Variants in OPCML observed in about 807,000 individuals in gnomAD.
OPCML encodes the protein opioid binding protein/cell adhesion molecule like.
Under a neutral mutation model 37.8 loss-of-function variants are expected in OPCML, and 13 were observed. That is an observed-to-expected ratio of 0.34 (90% CI 0.22 to 0.55). The LOEUF is 0.55. Ranked by LOEUF, OPCML falls within the 20% of genes least tolerant of loss-of-function variation. The pLI is 0.91. For missense variants in OPCML, 341 were observed against 435.6 expected, an observed-to-expected ratio of 0.78 and a Z score of 1.93; for synonymous variants, 176 against 168.8, an observed-to-expected ratio of 1.04 and a Z score of -0.33.
chr11:133,432,835 C>A (rs529168967), intron 1 of OPCML, among the ~76,000 whole-genome samples: 2 of 152,008 alleles, frequency 1.3e-5, no homozygotes, highest in African/African-American at 4.8e-5. Context: ...CACAGCTGTT[C>A]GTTATATACC....
intron 7 of OPCML, among the ~76,000 whole-genome samples, chr11:132,433,602 C>T (rs1316499796): frequency 1.3e-5 from 2 of 152,262 alleles, no homozygotes; most frequent in South Asian, 2.1e-4. Flanking sequence ...CCTCTACTAC[C>T]GAATGTCTAT....
intron 1 of OPCML, among the ~76,000 whole-genome samples, chr11:133,380,975 C>T (rs1172519559): frequency 2.0e-5 from 3 of 152,130 alleles, no homozygotes; most frequent in Non-Finnish European, 4.4e-5. Context: ...AACAATTAGC[C>T]TTGTGCATGG....
In OPCML at chr11:133,398,308, T is replaced by C. The variant is rs79949371; in HGVS notation, c.61+133956A>G. Among the ~76,000 whole-genome samples, 1,259 of 152,336 alleles carry C rather than the reference T, an allele frequency of 8.3e-3. 14 individuals are homozygous for C. Among genetic ancestry groups the C allele is most frequent in the African/African-American group, 0.028 (1,183 of 41,582 alleles). On this transcript the variant is annotated intron_variant, in intron 1 of 7. Coordinates refer to ENST00000524381, the MANE Select transcript of OPCML (RefSeq NM_001012393.5). ...CTGCCCAATGTGGTCCTTTTGGAAATCAGCTCCTTTGTTATGTCCCAGCGT... is the reference window on the plus strand; with the variant it reads ...CTGCCCAATGTGGTCCTTTTGGAAACCAGCTCCTTTGTTATGTCCCAGCGT...
intron 2 of OPCML, among the ~76,000 whole-genome samples, chr11:132,879,712 G>A (rs1040201461): frequency 7.2e-5 from 11 of 152,176 alleles, no homozygotes; most frequent in African/African-American, 2.4e-4. Flanking sequence ...TCCTCAGCAA[G>A]CGCATAATGA....
At position 132,663,926 on chromosome 11, in the gene OPCML, G is replaced by A. The variant is rs186464544; in HGVS notation, c.147-6607C>T. Among the ~76,000 whole-genome samples the A allele has an allele frequency of 4.0e-3, 616 of 152,146 alleles. 3 individuals carry two copies. The highest frequency in any genetic ancestry group is 0.012 in the African/African-American group (518 of 41,518). Reference sequence around the variant, plus strand: ...CGGCTCACTGCAAGCTCCGCCTCCCGGGTTCACGCCATTCTCCCGCCTCAG... The same window carrying A: ...CGGCTCACTGCAAGCTCCGCCTCCCAGGTTCACGCCATTCTCCCGCCTCAG... On this transcript the variant is annotated intron_variant, in intron 2 of 7. Coordinates refer to ENST00000524381, the MANE Select transcript of OPCML (RefSeq NM_001012393.5).
In OPCML at chr11:133,395,636, A is replaced by G. The variant is rs574164139; in HGVS notation, c.61+136628T>C. Among the ~76,000 whole-genome samples, 221 of 152,326 alleles carry G rather than the reference A, an allele frequency of 1.5e-3. 1 individual carries two copies. Among genetic ancestry groups the G allele is most frequent in the South Asian group, 5.6e-3 (27 of 4,828 alleles). On this transcript the variant is annotated intron_variant, in intron 1 of 7. Transcript: ENST00000524381. ...GTTTTCCCAGTACAATTTATTGAAG[A>G]GACTATCTTTTCCCCAATGTATATT... is the stretch of plus-strand genomic sequence containing the variant.
chr11:132,503,204 TGGTGATGTTTTATTG>T (rs1164550797), intron 4 of OPCML, among the ~76,000 whole-genome samples: 18 of 152,188 alleles, frequency 1.2e-4, no homozygotes, highest in Non-Finnish European at 2.5e-4. Flanking sequence ...CTCCGTTGGC[TGGTGATGTTTTATTG>T]GAACTTTGAG....
intron 1 of OPCML, among the ~76,000 whole-genome samples, chr11:133,114,353 C>CA (rs1341100029): frequency 6.6e-6 from 1 of 151,760 alleles, no homozygotes; most frequent in Non-Finnish European, 1.5e-5. Flanking sequence ...TCTGACGTCT[C>CA]TTTTTTTTCT....
rs184563856 is a variant in OPCML, at chr11:133,088,294, G to A, written c.62-145284C>T. 2.7e-3 allele frequency among the ~76,000 whole-genome samples: 417 copies of A among 152,290 alleles called. 1 individual carries two copies. Among genetic ancestry groups the A allele is most frequent in the African/African-American group, 9.4e-3 (392 of 41,582 alleles). On this transcript the variant is annotated intron_variant, in intron 1 of 7. Transcript: ENST00000524381. ...TTAAAAGCACGGATTGCGAAGTCAC[G>A]TAGTTTCACCTTTGCCTCTAACTTA...
At chr11:133,153,694 T>C (rs1347853282) in intron 1 of OPCML, among the ~76,000 whole-genome samples, 1 of 152,114 alleles carries the variant, frequency 6.6e-6, no homozygotes, top group Non-Finnish European at 1.5e-5. Flanking sequence ...GGCACCTTTT[T>C]CCCTGGGCCT....
chr11:132,761,792 T>C (rs2136099612), intron 2 of OPCML, among the ~76,000 whole-genome samples: 1 of 152,290 alleles, frequency 6.6e-6, no homozygotes, highest in East Asian at 1.9e-4. Context: ...TTACCCACCT[T>C]CTGAAGCCTA....
At chr11:132,770,489 T>C (rs1946600457) in intron 2 of OPCML, among the ~76,000 whole-genome samples, 1 of 152,168 alleles carries the variant, frequency 6.6e-6, no homozygotes, top group South Asian at 2.1e-4. Context: ...AAATGGTCTC[T>C]TCCCAACTTC....
intron 1 of OPCML, among the ~76,000 whole-genome samples, chr11:133,035,227 T>C (rs1174000473): frequency 6.6e-6 from 1 of 152,200 alleles, no homozygotes; most frequent in Non-Finnish European, 1.5e-5. Flanking sequence ...CTATCTGTCA[T>C]GTCGCCGAGG....
intron 2 of OPCML, among the ~76,000 whole-genome samples, chr11:132,856,222 A>G (rs1942048016): frequency 6.6e-6 from 1 of 152,236 alleles, no homozygotes; most frequent in Non-Finnish European, 1.5e-5. Context: ...ATTAATCAAT[A>G]AATCGATTGA....
At chr11:132,733,193 C>T (rs566646604) in intron 2 of OPCML, among the ~76,000 whole-genome samples, 5 of 151,992 alleles carry the variant, frequency 3.3e-5, no homozygotes, top group African/African-American at 9.7e-5. Context: ...AAACAGAAGC[C>T]TTGGCTAAAG....
chr11:133,151,863 CCCTCAGAAACCATTAT>C (rs1437434880), intron 1 of OPCML, among the ~76,000 whole-genome samples: 7 of 152,126 alleles, frequency 4.6e-5, no homozygotes, highest in African/African-American at 1.7e-4. Context: ...AGACCCCAGG[CCCTCAGAAACCATTAT>C]CCTTCCATTC....
chr11:132,649,136 G>A (rs776079581), intron 3 of OPCML, among the ~76,000 whole-genome samples: 16 of 152,224 alleles, frequency 1.1e-4, no homozygotes, highest in Non-Finnish European at 4.4e-5. Context: ...GTGTGAGTGC[G>A]TGAGTATGTC....
intron 1 of OPCML, among the ~76,000 whole-genome samples, chr11:133,097,128 C>G (rs1949014667): frequency 6.6e-6 from 1 of 152,122 alleles, no homozygotes; most frequent in Non-Finnish European, 1.5e-5. Flanking sequence ...GAACATTTAT[C>G]AAGACAGACC....
At chr11:132,675,350 T>C (rs1218916095) in intron 2 of OPCML, among the ~76,000 whole-genome samples, 1 of 152,062 alleles carries the variant, frequency 6.6e-6, no homozygotes, top group Non-Finnish European at 1.5e-5. Flanking sequence ...TGACACAATG[T>C]ATAGCTCTTA....
Sources: allele counts gnomAD v4.1 joint callset (sites outside exome capture counted in the v4.1 genomes callset), GRCh38; gene constraint gnomAD v4.1.1; transcripts MANE v1.5; gene names NCBI Gene and HGNC (gene_info 2026-07-23, HGNC 2026-07-21).